Variants in BLTP3A observed in about 807,000 individuals in gnomAD.
The protein encoded by BLTP3A is ICBP90 binding protein 1.
chr6:34,836,090 TAAAG>T, the BLTP3A span: 2 of 1,548,364 alleles, frequency 1.3e-6, no homozygotes, highest in East Asian at 4.5e-5. Flanking sequence ...GACCAAAGCT[TAAAG>T]AAAGCCTACA....
chr6:34,819,603 A>C, the BLTP3A span, among the ~76,000 whole-genome samples: 97 of 152,322 alleles, frequency 6.4e-4, no homozygotes, highest in African/African-American at 2.2e-3. Context: ...AGAACATCCT[A>C]AGACACTGTC....
the BLTP3A span, among the ~76,000 whole-genome samples, chr6:34,840,522 C>T: frequency 4.7e-5 from 7 of 150,528 alleles, no homozygotes; most frequent in African/African-American, 9.7e-5. Context: ...GCCAAGATTG[C>T]GCCATTGCAC....
the BLTP3A span, chr6:34,867,313 T>C: frequency 2.6e-5 from 42 of 1,614,206 alleles, no homozygotes; most frequent in Non-Finnish European, 3.3e-5. Flanking sequence ...TGAATAATTA[T>C]GGCCAGGGGT....
the BLTP3A span, among the ~76,000 whole-genome samples, chr6:34,805,195 C>T: frequency 6.6e-6 from 1 of 151,928 alleles, no homozygotes; most frequent in Non-Finnish European, 1.5e-5. Flanking sequence ...TTGGGAGGAT[C>T]ACCTTAGCCT....
the BLTP3A span, among the ~76,000 whole-genome samples, chr6:34,801,410 AG>A: frequency 2.6e-5 from 4 of 151,696 alleles, no homozygotes; most frequent in Non-Finnish European, 4.4e-5. Context: ...AGCTGGGGAG[AG>A]GGGGGAAAAG....
At chr6:34,869,013 A>T in the BLTP3A span, among the ~76,000 whole-genome samples, 1 of 151,988 alleles carries the variant, frequency 6.6e-6, no homozygotes, top group African/African-American at 2.4e-5. Flanking sequence ...ATTGTTTTTT[A>T]ATTTTTTTTT....
the BLTP3A span, chr6:34,835,371 G>A: frequency 6.2e-7 from 1 of 1,614,160 alleles, no homozygotes; most frequent in Admixed American, 1.7e-5. Flanking sequence ...CTGACTCACA[G>A]CTCAAGGCTA....
the BLTP3A span, among the ~76,000 whole-genome samples, chr6:34,814,502 GA>G: frequency 6.6e-6 from 1 of 152,188 alleles, no homozygotes; most frequent in Non-Finnish European, 1.5e-5. Flanking sequence ...GTCACAGGAG[GA>G]CCGCTCATGG....
chr6:34,860,053 AC>A, the BLTP3A span, among the ~76,000 whole-genome samples: 4 of 152,226 alleles, frequency 2.6e-5, no homozygotes, highest in Admixed American at 1.3e-4. Context: ...AGACATTTGT[AC>A]CCCCAGTTTA....
At chr6:34,805,124 A>G in the BLTP3A span, among the ~76,000 whole-genome samples, 15 of 151,486 alleles carry the variant, frequency 9.9e-5, no homozygotes, top group African/African-American at 1.9e-4. Context: ...CAAGACTCCA[A>G]TTCTACAAAA....
chr6:34,866,307 G>GGT, the BLTP3A span, among the ~76,000 whole-genome samples: 3 of 152,048 alleles, frequency 2.0e-5, no homozygotes, highest in South Asian at 6.2e-4. Flanking sequence ...AGAAGGCTGA[G>GGT]GTGGGAGATT....
the BLTP3A span, among the ~76,000 whole-genome samples, chr6:34,816,298 A>C: frequency 6.6e-6 from 1 of 152,086 alleles, no homozygotes; most frequent in South Asian, 2.1e-4. Context: ...GAAAACGTCT[A>C]TCTCACTTTC....
At chr6:34,797,098 T>A in the BLTP3A span, among the ~76,000 whole-genome samples, 2 of 152,214 alleles carry the variant, frequency 1.3e-5, no homozygotes, top group Admixed American at 6.5e-5. Flanking sequence ...GTTTTTATTA[T>A]AGTGCCTGAC....
chr6:34,819,260 C>G, the BLTP3A span, among the ~76,000 whole-genome samples: 1 of 150,752 alleles, frequency 6.6e-6, no homozygotes, highest in Non-Finnish European at 1.5e-5. Flanking sequence ...CCCACTAACT[C>G]GTCATCTAGC....
chr6:34,875,491 T>C, the BLTP3A span: 1 of 152,170 alleles, frequency 6.6e-6, no homozygotes, highest in Non-Finnish European at 1.5e-5. Context: ...AAATGTCGAA[T>C]AGGCATTTCT....
the BLTP3A span, among the ~76,000 whole-genome samples, chr6:34,869,159 G>A: frequency 1.3e-5 from 2 of 151,710 alleles, no homozygotes; most frequent in Admixed American, 6.6e-5. Flanking sequence ...ACACCACCAC[G>A]CCCAGCTTAT....
At chr6:34,821,692 C>T in the BLTP3A span, 1 of 1,614,026 alleles carries the variant, frequency 6.2e-7, no homozygotes, top group South Asian at 1.1e-5. Context: ...TCAACCTGAG[C>T]ACCCTGAAAG....
the BLTP3A span, chr6:34,856,354 G>A: frequency 6.2e-6 from 10 of 1,614,028 alleles, no homozygotes; most frequent in Admixed American, 1.7e-5. Flanking sequence ...ATGAAGAGAC[G>A]GGTCTGAAAC....
the BLTP3A span, chr6:34,857,852 A>C: frequency 6.2e-7 from 1 of 1,614,124 alleles, no homozygotes; most frequent in Non-Finnish European, 8.5e-7. Context: ...AGCTATCTAC[A>C]AGCTGGAAGA....
Sources: allele counts gnomAD v4.1 joint callset (sites outside exome capture counted in the v4.1 genomes callset), GRCh38; gene constraint gnomAD v4.1.1; transcripts MANE v1.5; gene names NCBI Gene and HGNC (gene_info 2026-07-23, HGNC 2026-07-21).